GUCA2A: variants seen among roughly 807,000 people sequenced by gnomAD.
GUCA2A encodes guanylate cyclase activator 2A.
Under a neutral mutation model 11.2 loss-of-function variants are expected in GUCA2A, and 17 were observed. The ratio of observed to expected loss-of-function variants is 1.52; its 90% CI spans 1.04 to 2.28. The LOEUF (loss-of-function observed/expected upper bound fraction) is 2.28, where lower values mean the gene tolerates loss of function less well. Among genes scored for constraint, GUCA2A ranks in the 30% most tolerant of loss-of-function variants. GUCA2A has a pLI of 0.00. For synonymous variants in GUCA2A, 64 were observed against 57.1 expected, an observed-to-expected ratio of 1.12 and a Z score of -0.54; for missense variants, 173 against 139.3, an observed-to-expected ratio of 1.24 and a Z score of -1.22.
intron 1 of GUCA2A, 21 bp from the exon 2 acceptor site, chr1:42,163,631 G>A: frequency 1.3e-6 from 2 of 1,548,504 alleles, no homozygotes; most frequent in Non-Finnish European, 1.8e-6. Flanking sequence ...GAAGCCCAGA[G>A]CATGAGGCCA....
chr1:42,163,440 G>T lies in GUCA2A; in HGVS notation c.246C>A (p.Cys82Ter). 5 of 1,613,814 alleles carry T rather than the reference G, an allele frequency of 3.1e-6. No homozygotes were observed. Among genetic ancestry groups the T allele is most frequent in the Non-Finnish European group, 4.2e-6 (5 of 1,179,688 alleles). Residue 82 changes from cysteine (C) to a stop codon, truncating the protein, a stop_gained, in exon 2 of 3, where the codon TGC becomes TGA. Coordinates refer to ENST00000357001, the MANE Select transcript of GUCA2A (RefSeq NM_033553.3). LOFTEE classifies it high-confidence loss of function. ...PNFPEELKPL[C>*]KEPNAQEILQ... ...GTATCTCCTGGGCATTGGGCTCCTT[G>T]CAGAGAGGCTTGAGTTCTTCTGGAA... is the stretch of plus-strand genomic sequence containing the variant.
At position 42,162,905 on chromosome 1, in the gene GUCA2A, C is replaced by G. The variant is rs141992015; in HGVS notation, c.*1G>C. The G allele has an allele frequency of 8.1e-6, 13 of 1,612,446 alleles. No homozygotes were observed. The highest frequency in any genetic ancestry group is 2.2e-5 in the South Asian group (2 of 91,044). ...GGGAGGCAGGCAGTGGGCAAGCCCCCCTAGCATCCGGTACAGGCAGCGTAG... is the reference window on the plus strand; with the variant it reads ...GGGAGGCAGGCAGTGGGCAAGCCCCGCTAGCATCCGGTACAGGCAGCGTAG... On this transcript the variant is annotated 3_prime_UTR_variant, in exon 3 of 3. Transcript: ENST00000357001.
At chr1:42,164,476 G>GGT (rs1223799438) in intron 1 of GUCA2A, among the ~76,000 whole-genome samples, 162 bp downstream of exon 1, 1 of 152,212 alleles carries the variant, frequency 6.6e-6, no homozygotes. Flanking sequence ...TGAAGGGAAA[G>GGT]GTGTGTGTGT....
In GUCA2A at chr1:42,164,648, A is replaced by AC; in HGVS notation, c.64dup (p.Val22GlyfsTer41). On this transcript the variant is annotated frameshift_variant, in exon 1 of 3. Transcript: ENST00000357001. LOFTEE classifies it high-confidence loss of function. Reference sequence around the variant, plus strand: ...GGACACAGGACTCACCTGCACGGTGACCCCTCCTGCCAAGGCGGCCCAGGC... The same window carrying AC: ...GGACACAGGACTCACCTGCACGGTGACCCCCTCCTGCCAAGGCGGCCCAGGC... The AC allele has an allele frequency of 2.6e-6, 4 of 1,547,028 alleles. No homozygotes were observed. Among genetic ancestry groups the AC allele is most frequent in the Non-Finnish European group, 3.5e-6 (4 of 1,143,656 alleles).
chr1:42,164,395 T>C (rs1284593380), intron 1 of GUCA2A, among the ~76,000 whole-genome samples: 1 of 152,162 alleles, frequency 6.6e-6, no homozygotes, highest in African/African-American at 2.4e-5. Flanking sequence ...ACTCAGTAAA[T>C]TGGCCAACTC....
chr1:42,163,687 C>G (rs1569701811), intron 1 of GUCA2A, 77 bp from the exon 2 acceptor site: 2 of 968,548 alleles, frequency 2.1e-6, no homozygotes, highest in East Asian at 2.5e-5. Flanking sequence ...TGGCCCCGGT[C>G]CAGCCCAGTG....
chr1:42,162,741 G>C lies in GUCA2A; in HGVS notation c.*165C>G. ...GGGGTTGAAGTGGCAGGGAAGGACA[G>C]TGTTGGGGCGAGGCCTCCAGTCACC... On this transcript the variant is annotated 3_prime_UTR_variant, in exon 3 of 3. Coordinates refer to ENST00000357001, the MANE Select transcript of GUCA2A (RefSeq NM_033553.3). 1 of 631,376 alleles carries C rather than the reference G, an allele frequency of 1.6e-6. No homozygotes were observed. The highest frequency in any genetic ancestry group is 2.6e-5 in the Admixed American group (1 of 39,008). 39.1% of individuals were successfully genotyped at this position (631,376 alleles called of 1,614,324 possible).
chr1:42,163,470 C>T lies in GUCA2A; in HGVS notation c.216G>A (p.Pro72=), dbSNP rs767239552. 9.9e-6 allele frequency: 16 copies of T among 1,613,862 alleles called. No homozygotes were observed. Among genetic ancestry groups the T allele is most frequent in the African/African-American group, 4.0e-5 (3 of 74,922 alleles). Residue 72 remains proline, a synonymous_variant, in exon 2 of 3, where the codon CCG becomes CCA. Transcript: ENST00000357001. Reference sequence around the variant, plus strand: ...GAGGCTTGAGTTCTTCTGGAAAGTTCGGGTTGCTACAGAGGATGGGAACCA... The same window carrying T: ...GAGGCTTGAGTTCTTCTGGAAAGTTTGGGTTGCTACAGAGGATGGGAACCA... ...EPVVPILCSN[P]NFPEELKPLC...
Position 42,163,307 on chromosome 1 carries a change from T to G in GUCA2A, c.283+96A>C, listed in dbSNP as rs554645856. 3.6e-5 allele frequency: 29 copies of G among 814,066 alleles called. No individual in the cohort carries two copies. In the African/African-American group the frequency reaches 4.1e-4, roughly 11 times the overall value. The allele number at this position is 814,066 out of a possible 1,614,324, so 50.4% of individuals were successfully genotyped here. On this transcript the variant is annotated intron_variant, in intron 2 of 2. Coordinates refer to ENST00000357001, the MANE Select transcript of GUCA2A (RefSeq NM_033553.3). ...AGTTCCACCAGTCAGAGCTGAGCCC[T>G]TCCTCCAAATCCCACCAATCAGAGC... is the stretch of plus-strand genomic sequence containing the variant.
In GUCA2A at chr1:42,163,416, T is replaced by TGGTGAGC. The variant is rs766021520; in HGVS notation, c.269_270insGCTCACC (p.Ile90MetfsTer12). 2 of 1,610,966 alleles carry TGGTGAGC rather than the reference T, an allele frequency of 1.2e-6. No individual in the cohort carries two copies. The highest frequency in any genetic ancestry group is 2.2e-5 in the South Asian group (2 of 91,014). On this transcript the variant is annotated frameshift_variant, in exon 2 of 3. Transcript: ENST00000357001. LOFTEE classifies it high-confidence loss of function. ...GAGGCTGCTCACCCAGCCTCTGAAGTATCTCCTGGGCATTGGGCTCCTTGC... is the reference window on the plus strand; with the variant it reads ...GAGGCTGCTCACCCAGCCTCTGAAGTGGTGAGCATCTCCTGGGCATTGGGCTCCTTGC...
Position 42,162,900 on chromosome 1 carries a change from GC to G in GUCA2A, c.*5del. 1.9e-6 allele frequency: 3 copies of G among 1,610,828 alleles called. No individual in the cohort carries two copies. Among genetic ancestry groups the G allele is most frequent in the Non-Finnish European group, 2.5e-6 (3 of 1,177,216 alleles). On this transcript the variant is annotated 3_prime_UTR_variant, in exon 3 of 3. Coordinates refer to ENST00000357001, the MANE Select transcript of GUCA2A (RefSeq NM_033553.3). ...CGGAGGGGAGGCAGGCAGTGGGCAAGCCCCCCTAGCATCCGGTACAGGCAGC... is the reference window on the plus strand; with the variant it reads ...CGGAGGGGAGGCAGGCAGTGGGCAAGCCCCCTAGCATCCGGTACAGGCAGC...
intron 1 of GUCA2A, 103 bp downstream of exon 1, chr1:42,164,535 C>G: frequency 1.4e-6 from 1 of 691,838 alleles, no homozygotes; most frequent in East Asian, 2.7e-5. Context: ...CTGGGACACA[C>G]ACCCTCAATC....
At chr1:42,164,490 T>C (rs1646143876) in intron 1 of GUCA2A, 148 bp downstream of exon 1, 4 of 608,888 alleles carry the variant, frequency 6.6e-6, no homozygotes, top group Non-Finnish European at 1.2e-5. Context: ...TGTGTGTGGC[T>C]GGACTGAGCA....
chr1:42,163,718 T>C, intron 1 of GUCA2A, 108 bp from the exon 2 acceptor site: 1 of 711,812 alleles, frequency 1.4e-6, no homozygotes, highest in Non-Finnish European at 2.4e-6. Context: ...GCAGTGTTCG[T>C]GGCATATGGG....
At chr1:42,163,184 A>G (rs1169860986) in intron 2 of GUCA2A, among the ~76,000 whole-genome samples, 1 of 152,178 alleles carries the variant, frequency 6.6e-6, no homozygotes, top group Non-Finnish European at 1.5e-5. Context: ...AGAGGAAACT[A>G]AGACCAGATG....
intron 1 of GUCA2A, among the ~76,000 whole-genome samples, chr1:42,164,171 C>T (rs532961449): frequency 1.3e-5 from 2 of 152,386 alleles, no homozygotes; most frequent in African/African-American, 4.8e-5. Context: ...TCAGGACCTC[C>T]AGGGTGTCCA....
At chr1:42,163,070 G>A (rs1646136654) in intron 2 of GUCA2A, 100 bp from the exon 3 acceptor site, 2 of 963,194 alleles carry the variant, frequency 2.1e-6, no homozygotes, top group Admixed American at 3.9e-5. Context: ...AGCCCCAGGA[G>A]AATCTCAGCA....
chr1:42,163,364 C>T (rs1315503291), intron 2 of GUCA2A, 39 bp downstream of exon 2: 2 of 1,335,880 alleles, frequency 1.5e-6, no homozygotes, highest in South Asian at 2.4e-5. Flanking sequence ...CCACAGTATT[C>T]CCGAACCCCA....
In GUCA2A at chr1:42,163,582, G is replaced by A; in HGVS notation, c.104C>T (p.Ser35Leu). The change falls in exon 2 of 3, where the codon TCA becomes TTA. Residue 35 changes from serine to leucine, a missense_variant. Coordinates refer to ENST00000357001, the MANE Select transcript of GUCA2A (RefSeq NM_033553.3). ...CTGGAGGTCTTTGAGCTTCTTCACT[G>A]ACTCCAGAGAAAAGGAGAAATTTCC... ...QDGNFSFSLE[S>L]VKKLKDLQEP... 6.2e-7 allele frequency: 1 copy of A among 1,612,818 alleles called. No homozygotes were observed. The highest frequency in any genetic ancestry group is 8.5e-7 in the Non-Finnish European group (1 of 1,179,194).
Sources: gnomAD v4.1 joint callset for allele counts (sites outside exome capture counted in the v4.1 genomes callset) on GRCh38, gnomAD v4.1.1 for gene constraint, MANE v1.5 for transcripts, NCBI Gene and HGNC (gene_info 2026-07-23, HGNC 2026-07-21) for gene names.